The following NFIA variants were observed in gnomAD, a reference collection of about 807,000 sequenced individuals.
The protein encoded by NFIA is nuclear factor I A.
A neutral mutation model predicts 62.8 loss-of-function variants in NFIA; 8 were observed. That is an observed-to-expected ratio of 0.13 (90% CI 0.07 to 0.23). NFIA has a LOEUF of 0.23. Among genes scored for constraint, NFIA ranks in the 10% least tolerant of loss-of-function variants. The probability of loss-of-function intolerance (pLI) is 1.00; values close to 1 mark genes in which losing one functional copy is unlikely to be tolerated. For missense variants in NFIA, 410 were observed against 642.1 expected, an observed-to-expected ratio of 0.64 and a Z score of 3.91; for synonymous variants, 235 against 238.1, an observed-to-expected ratio of 0.99 and a Z score of 0.12.
intron 2 of NFIA, among the ~76,000 whole-genome samples, chr1:61,217,690 A>G (rs1653722540): frequency 6.6e-6 from 1 of 152,194 alleles, no homozygotes; most frequent in Non-Finnish European, 1.5e-5. Context: ...AGCCCCATAC[A>G]TGATTAACCT....
intron 2 of NFIA, among the ~76,000 whole-genome samples, chr1:61,204,267 G>A (rs886727054): frequency 6.6e-6 from 1 of 152,120 alleles, no homozygotes; most frequent in South Asian, 2.1e-4. Context: ...ATTAAACTTG[G>A]GTTTTGATTA....
intron 9 of NFIA, among the ~76,000 whole-genome samples, chr1:61,422,875 C>G (rs924982279): frequency 4.6e-5 from 7 of 152,072 alleles, no homozygotes; most frequent in African/African-American, 1.7e-4. Context: ...GAGGCCCTGT[C>G]AAACTATTGT....
At chr1:61,335,900 C>T (rs1014902639) in intron 4 of NFIA, among the ~76,000 whole-genome samples, 5 of 151,884 alleles carry the variant, frequency 3.3e-5, no homozygotes, top group Non-Finnish European at 7.4e-5. Context: ...ATGATGTTAG[C>T]CCTGTTAGGA....
At chr1:61,113,060 T>C (rs1165522797) in intron 2 of NFIA, among the ~76,000 whole-genome samples, 6 of 152,174 alleles carry the variant, frequency 3.9e-5, no homozygotes, top group African/African-American at 1.4e-4. Flanking sequence ...ATGGTACGTC[T>C]TTTGAAAACA....
intron 6 of NFIA, among the ~76,000 whole-genome samples, chr1:61,376,542 T>A (rs995007702): frequency 1.3e-5 from 2 of 152,326 alleles, no homozygotes; most frequent in East Asian, 3.9e-4. Flanking sequence ...TCTTAACTGA[T>A]CCTTACTAAG....
At chr1:61,336,501 A>T (rs1239551279) in intron 4 of NFIA, among the ~76,000 whole-genome samples, 2 of 152,226 alleles carry the variant, frequency 1.3e-5, no homozygotes, top group Non-Finnish European at 2.9e-5. Context: ...GTTAAAATTC[A>T]TGAGCCAGTA....
chr1:61,286,711 A>G (rs1658524505), intron 3 of NFIA, among the ~76,000 whole-genome samples: 1 of 152,202 alleles, frequency 6.6e-6, no homozygotes, highest in African/African-American at 2.4e-5. Flanking sequence ...ATTAATACAC[A>G]TGTCACATGC....
At chr1:61,291,616 G>T (rs1658886980) in intron 3 of NFIA, among the ~76,000 whole-genome samples, 1 of 152,218 alleles carries the variant, frequency 6.6e-6, no homozygotes, top group South Asian at 2.1e-4. Context: ...ATGATCAATA[G>T]CAAGTGAGTG....
At position 61,455,533 on chromosome 1, in the gene NFIA, C is replaced by T; in HGVS notation, c.*213C>T. On this transcript the variant is annotated 3_prime_UTR_variant, in exon 11 of 11. Transcript: ENST00000403491. ...TTGGGATTTTTTTTTTTTTAAAATACTTTAGGGACTGTTGTAATTTCTCAT... is the reference window on the plus strand; with the variant it reads ...TTGGGATTTTTTTTTTTTTAAAATATTTTAGGGACTGTTGTAATTTCTCAT... 3 of 637,772 alleles carry T rather than the reference C, an allele frequency of 4.7e-6. No homozygotes were observed. Among genetic ancestry groups the T allele is most frequent in the Non-Finnish European group, 8.0e-6 (3 of 375,790 alleles). The allele number at this position is 637,772 out of a possible 1,614,324, so 39.5% of individuals were successfully genotyped here. A position where few individuals can be genotyped will look rare whatever the true frequency, so the allele number is the denominator to read the frequency against.
chr1:61,131,041 C>G (rs1009926500), intron 2 of NFIA, among the ~76,000 whole-genome samples: 5 of 151,748 alleles, frequency 3.3e-5, no homozygotes, highest in African/African-American at 9.7e-5. Flanking sequence ...TATATAATAC[C>G]AATATGAACT....
intron 2 of NFIA, among the ~76,000 whole-genome samples, chr1:61,165,147 T>C (rs1325569851): frequency 6.6e-6 from 1 of 152,194 alleles, no homozygotes; most frequent in Non-Finnish European, 1.5e-5. Context: ...AAAATACCAT[T>C]TAATGTTATT....
chr1:61,093,693 CA>C (rs2100423357), intron 2 of NFIA, among the ~76,000 whole-genome samples: 1 of 152,228 alleles, frequency 6.6e-6, no homozygotes, highest in Admixed American at 6.5e-5. Context: ...AGTTCTAAGG[CA>C]GAGAGTGTAC....
At chr1:61,287,311 C>T (rs1257405724) in intron 3 of NFIA, among the ~76,000 whole-genome samples, 1 of 152,106 alleles carries the variant, frequency 6.6e-6, no homozygotes, top group East Asian at 1.9e-4. Flanking sequence ...AAAGGTTTTC[C>T]CTCGTGCATA....
chr1:61,082,821 A>G lies in NFIA; in HGVS notation c.27+3A>G. The G allele has an allele frequency of 6.5e-7, 1 of 1,548,902 alleles. No homozygotes were observed. Among genetic ancestry groups the G allele is most frequent in the Non-Finnish European group, 8.7e-7 (1 of 1,145,684 alleles). ...ATTCTCCGCTCTGTCTCACCCAGGT[A>G]AGCCGCGGCGTGGATGCGGAGGGCT... is the stretch of plus-strand genomic sequence containing the variant. On this transcript the variant is annotated splice_donor_region_variant and intron_variant, in intron 1 of 10. Transcript: ENST00000403491.
intron 2 of NFIA, among the ~76,000 whole-genome samples, chr1:61,157,168 T>G (rs1385979380): frequency 1.3e-5 from 2 of 152,236 alleles, no homozygotes; most frequent in Admixed American, 6.5e-5. Flanking sequence ...AAACACTGTT[T>G]TTGGCTTTTT....
intron 3 of NFIA, among the ~76,000 whole-genome samples, chr1:61,315,358 A>G (rs778103408): frequency 2.6e-5 from 4 of 152,212 alleles, no homozygotes; most frequent in Non-Finnish European, 4.4e-5. Context: ...GAGGGAGTAA[A>G]TGAAATTGAA....
At chr1:61,448,165 T>C (rs1384820503) in intron 10 of NFIA, among the ~76,000 whole-genome samples, 1 of 152,028 alleles carries the variant, frequency 6.6e-6, no homozygotes, top group East Asian at 1.9e-4. Context: ...CTTCCTCCCC[T>C]TTTCTCCTCA....
At chr1:61,099,502 A>G (rs1450439133) in intron 2 of NFIA, among the ~76,000 whole-genome samples, 3 of 151,952 alleles carry the variant, frequency 2.0e-5, no homozygotes, top group African/African-American at 7.3e-5. Context: ...ATTTCTTAGG[A>G]TTTGCTTTGT....
intron 10 of NFIA, among the ~76,000 whole-genome samples, chr1:61,444,895 A>G (rs527299080): frequency 6.6e-6 from 1 of 152,328 alleles, no homozygotes; most frequent in Admixed American, 6.5e-5. Flanking sequence ...GATTTTATTA[A>G]TTGATAATAA....
Sources: gnomAD v4.1 joint callset for allele counts (sites outside exome capture counted in the v4.1 genomes callset) on GRCh38, gnomAD v4.1.1 for gene constraint, MANE v1.5 for transcripts, NCBI Gene and HGNC (gene_info 2026-07-23, HGNC 2026-07-21) for gene names.